Variants in FRA10AC1 observed in about 807,000 individuals in gnomAD.
The protein encoded by FRA10AC1 is FRA10A associated CGG repeat 1.
In FRA10AC1, 43 loss-of-function variants were observed where a neutral mutation model predicts 56.5. The observed-to-expected ratio is 0.76, with a 90% CI of 0.60 to 0.98. The LOEUF is 0.98. FRA10AC1 is among the 50% of genes least tolerant of loss of function. The pLI, the probability that FRA10AC1 is intolerant of heterozygous loss-of-function variation, is 0.00. For missense variants in FRA10AC1, 346 were observed against 351.8 expected, an observed-to-expected ratio of 0.98 and a Z score of 0.13; for synonymous variants, 112 against 110.5, an observed-to-expected ratio of 1.01 and a Z score of -0.09.
chr10:93,681,076 G>A (rs1002693725), intron 11 of FRA10AC1, among the ~76,000 whole-genome samples: 3 of 152,164 alleles, frequency 2.0e-5, no homozygotes, highest in Non-Finnish European at 4.4e-5. Flanking sequence ...TAAAGGCACT[G>A]ATCAAAGTCC....
chr10:93,699,419 G>A (rs576735027), intron 2 of FRA10AC1, among the ~76,000 whole-genome samples: 1 of 152,228 alleles, frequency 6.6e-6, no homozygotes, highest in East Asian at 1.9e-4. Flanking sequence ...CCACTCCTGA[G>A]TCAAAGTATA....
chr10:93,696,702 T>A (rs1368893879), intron 4 of FRA10AC1, among the ~76,000 whole-genome samples: 2 of 152,140 alleles, frequency 1.3e-5, no homozygotes, highest in East Asian at 3.8e-4. Flanking sequence ...ATGGAACCAA[T>A]CCAAATGTCC....
rs1188156914 is a variant in FRA10AC1 at position 93,669,540 on chromosome 10, AT to A, written c.*285del. On this transcript the variant is annotated 3_prime_UTR_variant, in exon 14 of 14. Coordinates refer to ENST00000359204, the MANE Select transcript of FRA10AC1 (RefSeq NM_145246.5). ...AAGGCAGTGAAAAAAAACCTACAAAATGTAGGAACAATGGAATCTGTCCAGC... is the reference window on the plus strand; with the variant it reads ...AAGGCAGTGAAAAAAAACCTACAAAAGTAGGAACAATGGAATCTGTCCAGC... The A allele has an allele frequency of 3.3e-6, 1 of 302,440 alleles. No individual in the cohort carries two copies. The highest frequency in any genetic ancestry group is 6.0e-6 in the Non-Finnish European group (1 of 165,670). The allele number at this position is 302,440 out of a possible 1,614,324, so 18.7% of individuals were successfully genotyped here. A position where few individuals can be genotyped will look rare whatever the true frequency, so the allele number is the denominator to read the frequency against.
chr10:93,685,911 T>C (rs555328176), intron 8 of FRA10AC1, among the ~76,000 whole-genome samples: 1 of 151,978 alleles, frequency 6.6e-6, no homozygotes, highest in South Asian at 2.1e-4. Flanking sequence ...TGAGGTGAAG[T>C]ACAATACGCA....
At chr10:93,682,570 G>A (rs1312535575) in intron 10 of FRA10AC1, among the ~76,000 whole-genome samples, 1 of 152,164 alleles carries the variant, frequency 6.6e-6, no homozygotes, top group Non-Finnish European at 1.5e-5. Flanking sequence ...GGCGGCTGAG[G>A]CAGGAGGACT....
chr10:93,688,472 T>G (rs890319186), intron 7 of FRA10AC1, among the ~76,000 whole-genome samples: 1 of 152,136 alleles, frequency 6.6e-6, no homozygotes, highest in African/African-American at 2.4e-5. Context: ...GAATGTACAA[T>G]ACCAAGAGTG....
chr10:93,695,055 TCA>T (rs2059209168), intron 4 of FRA10AC1, 118 bp from the exon 5 acceptor site: 1 of 634,086 alleles, frequency 1.6e-6, no homozygotes, highest in Admixed American at 2.7e-5. Flanking sequence ...TTAAAAATAT[TCA>T]CACACTATAC....
At chr10:93,695,591 A>G (rs1346312587) in intron 4 of FRA10AC1, among the ~76,000 whole-genome samples, 1 of 152,216 alleles carries the variant, frequency 6.6e-6, no homozygotes, top group Non-Finnish European at 1.5e-5. Context: ...AAACATGCAC[A>G]TAATAGCTAA....
At chr10:93,696,038 T>C (rs1309648904) in intron 4 of FRA10AC1, among the ~76,000 whole-genome samples, 1 of 152,218 alleles carries the variant, frequency 6.6e-6, no homozygotes, top group Non-Finnish European at 1.5e-5. Context: ...GGTGTAACTT[T>C]TGCTTCCGGG....
chr10:93,698,306 C>A lies in FRA10AC1; in HGVS notation c.168G>T (p.Leu56=). The change falls in exon 3 of 14, where the codon CTG becomes CTT. Residue 56 remains leucine, a synonymous_variant. Coordinates refer to ENST00000359204, the MANE Select transcript of FRA10AC1 (RefSeq NM_145246.5). ...TTGACACTGAAATACCATACCTATC[C>A]AGCAATTCTGCTGCAACTTGTTTAT... ...VAHKQVAAEL[L]DREEARNRRF... 3.1e-6 allele frequency: 5 copies of A among 1,606,744 alleles called. No individual in the cohort carries two copies. Among genetic ancestry groups the A allele is most frequent in the Non-Finnish European group, 4.3e-6 (5 of 1,174,456 alleles).
intron 11 of FRA10AC1, among the ~76,000 whole-genome samples, chr10:93,676,919 A>C (rs2058852512): frequency 6.6e-6 from 1 of 152,194 alleles, no homozygotes; most frequent in African/African-American, 2.4e-5. Flanking sequence ...TGTAATAGCC[A>C]GCACAAAACA....
chr10:93,695,627 G>C (rs1415065695), intron 4 of FRA10AC1, among the ~76,000 whole-genome samples: 6 of 151,654 alleles, frequency 4.0e-5, no homozygotes, highest in African/African-American at 1.5e-4. Flanking sequence ...TATTCTCTGT[G>C]ACTATTAAAC....
At chr10:93,675,996 A>G (rs1034797538) in intron 12 of FRA10AC1, among the ~76,000 whole-genome samples, 1 of 152,178 alleles carries the variant, frequency 6.6e-6, no homozygotes, top group African/African-American at 2.4e-5. Flanking sequence ...TCTCATTATT[A>G]TCTTATGGGT....
chr10:93,696,467 AG>A (rs2059237400), intron 4 of FRA10AC1, among the ~76,000 whole-genome samples: 1 of 152,232 alleles, frequency 6.6e-6, no homozygotes, highest in Non-Finnish European at 1.5e-5. Flanking sequence ...GATGCTAGCA[AG>A]GCTGTGGAGA....
intron 7 of FRA10AC1, among the ~76,000 whole-genome samples, chr10:93,688,329 T>A (rs1378432635): frequency 6.6e-6 from 1 of 152,130 alleles, no homozygotes; most frequent in Non-Finnish European, 1.5e-5. Flanking sequence ...AGTAGCAAGA[T>A]CAGTAGTTGC....
rs60832838 is a variant in FRA10AC1, at chr10:93,702,522, A to ACCACCACCGCCGCCGCCGCCGCGCCGCCG, written c.-149_-148insCGGCGGCGCGGCGGCGGCGGCGGTGGTGG. 9.5e-6 allele frequency: 2 copies of ACCACCACCGCCGCCGCCGCCGCGCCGCCG among 211,550 alleles called. No homozygotes were observed. Among genetic ancestry groups the ACCACCACCGCCGCCGCCGCCGCGCCGCCG allele is most frequent in the Non-Finnish European group, 1.9e-5 (2 of 107,802 alleles). The allele number at this position is 211,550 out of a possible 1,614,324, so 13.1% of individuals were successfully genotyped here. Reference sequence around the variant, plus strand: ...GCCGCACAGCCTCGCCACAACCACCACCGCCGCCGCCGCCGCCGCCGCCGC... The same window carrying ACCACCACCGCCGCCGCCGCCGCGCCGCCG: ...GCCGCACAGCCTCGCCACAACCACCACCACCACCGCCGCCGCCGCCGCGCCGCCGCCGCCGCCGCCGCCGCCGCCGCCGC... On this transcript the variant is annotated 5_prime_UTR_variant, in exon 1 of 14. Transcript: ENST00000359204.
chr10:93,697,764 T>C (rs990183542), intron 4 of FRA10AC1, among the ~76,000 whole-genome samples: 3 of 152,182 alleles, frequency 2.0e-5, no homozygotes, highest in South Asian at 2.1e-4. Flanking sequence ...ACAAGTTTTA[T>C]AGAGACCTTA....
intron 10 of FRA10AC1, 22 bp from the exon 11 acceptor site, chr10:93,681,620 A>G: frequency 1.4e-6 from 2 of 1,469,046 alleles, no homozygotes; most frequent in Non-Finnish European, 1.8e-6. Context: ...ACAATATAAA[A>G]TTAAAGTTAA....
At chr10:93,697,512 C>T (rs561003628) in intron 4 of FRA10AC1, among the ~76,000 whole-genome samples, 3 of 152,236 alleles carry the variant, frequency 2.0e-5, no homozygotes, top group African/African-American at 7.2e-5. Flanking sequence ...TTAAATTCTC[C>T]AATATTCTCA....
Sources: gnomAD v4.1 joint callset for allele counts (sites outside exome capture counted in the v4.1 genomes callset) on GRCh38, gnomAD v4.1.1 for gene constraint, MANE v1.5 for transcripts, NCBI Gene and HGNC (gene_info 2026-07-23, HGNC 2026-07-21) for gene names.